CPNE8: variants seen among roughly 807,000 people sequenced by gnomAD.
The protein encoded by CPNE8 is copine 8.
Under a neutral mutation model 81.5 loss-of-function variants are expected in CPNE8, and 45 were observed. The observed-to-expected ratio is 0.55, with a 90% CI of 0.44 to 0.71. The LOEUF (loss-of-function observed/expected upper bound fraction) is 0.71, where lower values mean the gene tolerates loss of function less well. Ranked by LOEUF, CPNE8 falls within the 30% of genes least tolerant of loss-of-function variation. CPNE8 has a pLI of 0.00. For missense variants in CPNE8, 594 were observed against 672.1 expected, an observed-to-expected ratio of 0.88 and a Z score of 1.28; for synonymous variants, 252 against 226.3, an observed-to-expected ratio of 1.11 and a Z score of -1.02.
intron 6 of CPNE8, among the ~76,000 whole-genome samples, chr12:38,794,966 C>A (rs1330613936): frequency 1.3e-5 from 2 of 152,088 alleles, no homozygotes. Flanking sequence ...AAGTGGGAGA[C>A]CCTTACTTGC....
chr12:38,744,801 T>C (rs939012701), intron 10 of CPNE8, among the ~76,000 whole-genome samples: 1 of 152,208 alleles, frequency 6.6e-6, no homozygotes, highest in African/African-American at 2.4e-5. Flanking sequence ...AAAAAAGTAC[T>C]TTGTAAACTG....
chr12:38,844,681 G>A (rs1416008024), intron 4 of CPNE8, among the ~76,000 whole-genome samples: 1 of 152,022 alleles, frequency 6.6e-6, no homozygotes, highest in Non-Finnish European at 1.5e-5. Flanking sequence ...GCAGAAATAA[G>A]TTGTCTCTAT....
chr12:38,667,128 C>T (rs947774811), intron 19 of CPNE8, among the ~76,000 whole-genome samples: 1 of 152,118 alleles, frequency 6.6e-6, no homozygotes, highest in Non-Finnish European at 1.5e-5. Context: ...TCTTTGTCCA[C>T]TTGAGAAATG....
chr12:38,836,353 A>G (rs1166796080), intron 5 of CPNE8, among the ~76,000 whole-genome samples: 3 of 152,176 alleles, frequency 2.0e-5, no homozygotes. Flanking sequence ...TAAAGTAATT[A>G]TGATCATTTA....
At chr12:38,893,573 C>T (rs1371702351) in intron 1 of CPNE8, among the ~76,000 whole-genome samples, 1 of 152,190 alleles carries the variant, frequency 6.6e-6, no homozygotes, top group Non-Finnish European at 1.5e-5. Flanking sequence ...GCTGCTCTGC[C>T]TATGGGTTAG....
chr12:38,803,764 C>T lies in CPNE8; in HGVS notation c.407+25615G>A, dbSNP rs555518321. ...TGATTGTTTATCTAGAAAACCCCAA[C>T]GTCTCAGCCCAAAATCTCCTTAAGC... On this transcript the variant is annotated intron_variant, in intron 6 of 19. Coordinates refer to ENST00000331366, the MANE Select transcript of CPNE8 (RefSeq NM_153634.3). Among the ~76,000 whole-genome samples the T allele has an allele frequency of 9.9e-3, 1,222 of 123,308 alleles. 15 individuals are homozygous for T. Among genetic ancestry groups the T allele is most frequent in the African/African-American group, 0.032 (1,128 of 35,494 alleles). The allele number at this position is 123,308 out of a possible 152,430, so 80.9% of individuals were successfully genotyped here.
intron 8 of CPNE8, 150 bp downstream of exon 8, chr12:38,767,485 A>G (rs1243587993): frequency 4.2e-6 from 2 of 478,006 alleles, no homozygotes; most frequent in African/African-American, 4.1e-5. Flanking sequence ...AAAGTTGCAC[A>G]ATATTTTGAG....
intron 6 of CPNE8, among the ~76,000 whole-genome samples, chr12:38,792,439 T>C (rs1295784181): frequency 6.6e-6 from 1 of 151,102 alleles, no homozygotes; most frequent in Admixed American, 6.6e-5. Context: ...AGTATAAGAA[T>C]ATTATGAACA....
chr12:38,877,390 A>G (rs1003630095), intron 1 of CPNE8, among the ~76,000 whole-genome samples: 8 of 152,046 alleles, frequency 5.3e-5, no homozygotes, highest in African/African-American at 1.7e-4. Flanking sequence ...ACCAGATTTT[A>G]TATGAGAAGG....
chr12:38,780,542 C>T (rs1942028357), intron 6 of CPNE8, among the ~76,000 whole-genome samples: 2 of 151,882 alleles, frequency 1.3e-5, no homozygotes, highest in Admixed American at 6.6e-5. Flanking sequence ...CACTTGGGCA[C>T]ATGATAGGAG....
intron 13 of CPNE8, among the ~76,000 whole-genome samples, chr12:38,707,837 A>G (rs544649379): frequency 6.6e-6 from 1 of 152,336 alleles, no homozygotes; most frequent in East Asian, 1.9e-4. Flanking sequence ...CTATCACACC[A>G]TTGAGATTTT....
intron 19 of CPNE8, among the ~76,000 whole-genome samples, chr12:38,662,398 C>T (rs1938978685): frequency 6.6e-6 from 1 of 151,990 alleles, no homozygotes; most frequent in Non-Finnish European, 1.5e-5. Flanking sequence ...AAAGCAATCT[C>T]ATTTATAATA....
At chr12:38,795,973 G>C (rs963564527) in intron 6 of CPNE8, among the ~76,000 whole-genome samples, 1 of 152,170 alleles carries the variant, frequency 6.6e-6, no homozygotes, top group Non-Finnish European at 1.5e-5. Context: ...TTAAAATCCT[G>C]AACTCAGGCC....
At chr12:38,740,929 CT>C (rs988893554) in intron 10 of CPNE8, among the ~76,000 whole-genome samples, 2 of 152,082 alleles carry the variant, frequency 1.3e-5, no homozygotes, top group Admixed American at 6.6e-5. Context: ...AGGATTTCCT[CT>C]TTTTCTATTG....
chr12:38,828,225 T>G (rs1943231069), intron 6 of CPNE8, among the ~76,000 whole-genome samples: 2 of 152,320 alleles, frequency 1.3e-5, no homozygotes, highest in African/African-American at 4.8e-5. Context: ...TAGAATTATA[T>G]GCACTCAATA....
chr12:38,662,729 A>C (rs1422864247), intron 19 of CPNE8, among the ~76,000 whole-genome samples: 1 of 152,150 alleles, frequency 6.6e-6, no homozygotes, highest in East Asian at 1.9e-4. Context: ...ACATTACCTG[A>C]CTTCAAAATA....
intron 1 of CPNE8, among the ~76,000 whole-genome samples, chr12:38,902,296 A>AAAGGAAAGAAGG (rs1944479399): frequency 1.8e-5 from 1 of 56,156 alleles, no homozygotes; most frequent in African/African-American, 1.0e-4. Context: ...GGAAGGAAGG[A>AAAGGAAAGAAGG]AAGGAAGGAA....
At chr12:38,662,614 TC>T (rs1362257337) in intron 19 of CPNE8, among the ~76,000 whole-genome samples, 1 of 152,158 alleles carries the variant, frequency 6.6e-6, no homozygotes, top group Middle Eastern at 3.2e-3. Context: ...ACCAAGACAT[TC>T]TTTACAGAAA....
At chr12:38,890,276 A>G (rs1450799620) in intron 1 of CPNE8, among the ~76,000 whole-genome samples, 1 of 152,176 alleles carries the variant, frequency 6.6e-6, no homozygotes, top group Admixed American at 6.5e-5. Flanking sequence ...AATATAATCA[A>G]CTGAGCACTT....
Sources: gnomAD v4.1 joint callset for allele counts (sites outside exome capture counted in the v4.1 genomes callset) on GRCh38, gnomAD v4.1.1 for gene constraint, MANE v1.5 for transcripts, NCBI Gene and HGNC (gene_info 2026-07-23, HGNC 2026-07-21) for gene names.